The following RCOR1 variants were observed in gnomAD, a reference collection of about 807,000 sequenced individuals.
RCOR1 encodes REST corepressor.
Under a neutral mutation model 64.0 loss-of-function variants are expected in RCOR1, and 12 were observed. That is an observed-to-expected ratio of 0.19 (90% CI 0.12 to 0.30). The LOEUF is 0.30. Ranked by LOEUF, RCOR1 falls within the 10% of genes least tolerant of loss-of-function variation. The pLI is 1.00. For synonymous variants in RCOR1, 279 were observed against 227.2 expected (o/e 1.23, Z -2.05); for missense variants, 502 against 621.2 (o/e 0.81, Z 2.04).
chr14:102,680,052 A>G (rs532324227), intron 2 of RCOR1, among the ~76,000 whole-genome samples: 145 of 152,282 alleles, frequency 9.5e-4, no homozygotes, highest in African/African-American at 3.2e-3. Context: ...CTATTTCTTC[A>G]TCTTCTTAGA....
intron 2 of RCOR1, among the ~76,000 whole-genome samples, chr14:102,634,771 AC>A (rs1176614368): frequency 1.3e-5 from 2 of 151,338 alleles, no homozygotes; most frequent in East Asian, 1.9e-4. Flanking sequence ...ATCTCGACTC[AC>A]GACAACCTCT....
At chr14:102,722,568 G>T (rs774195678) in intron 11 of RCOR1, 152 bp downstream of exon 11, 6 of 629,424 alleles carry the variant, frequency 9.5e-6, no homozygotes, top group Non-Finnish European at 1.4e-5. Flanking sequence ...GAATGTGTAT[G>T]CATTGACTCC....
chr14:102,675,815 A>G (rs963037224), intron 2 of RCOR1, among the ~76,000 whole-genome samples: 1 of 152,202 alleles, frequency 6.6e-6, no homozygotes, highest in African/African-American at 2.4e-5. Context: ...GAAACCTTGG[A>G]TCTATTCATT....
chr14:102,592,653 C>T lies in RCOR1; in HGVS notation c.-234C>T, dbSNP rs1385989774. 7 of 1,200,022 alleles carry T rather than the reference C, an allele frequency of 5.8e-6. No homozygotes were observed. Among genetic ancestry groups the T allele is most frequent in the Non-Finnish European group, 7.2e-6 (7 of 970,040 alleles). 74.3% of individuals were successfully genotyped at this position (1,200,022 alleles called of 1,614,324 possible). A position where few individuals can be genotyped will look rare whatever the true frequency, so the allele number is the denominator to read the frequency against. On this transcript the variant is annotated 5_prime_UTR_variant, in exon 1 of 12. Transcript: ENST00000262241. ...CTCGCTGCTCCCGGAGTAGTTGGTGCCAGTGAAGTGAGGGCGGCGATGAGA... is the reference window on the plus strand; with the variant it reads ...CTCGCTGCTCCCGGAGTAGTTGGTGTCAGTGAAGTGAGGGCGGCGATGAGA...
intron 3 of RCOR1, 61 bp downstream of exon 3, chr14:102,682,039 C>T: frequency 8.8e-7 from 1 of 1,133,800 alleles, no homozygotes; most frequent in East Asian, 2.4e-5. Flanking sequence ...TTAAAGGTAC[C>T]TTTGAAGGTA....
chr14:102,726,383 C>A, intron 11 of RCOR1, 85 bp from the exon 12 acceptor site: 1 of 1,241,248 alleles, frequency 8.1e-7, no homozygotes, highest in Non-Finnish European at 1.1e-6. Flanking sequence ...TGGCTACCTT[C>A]TCTTTTCAGT....
At chr14:102,726,349 T>C (rs1352527875) in intron 11 of RCOR1, 119 bp from the exon 12 acceptor site, 4 of 778,010 alleles carry the variant, frequency 5.1e-6, no homozygotes, top group East Asian at 2.9e-5. Context: ...AAAAAAGAAC[T>C]CGGTGTTTGC....
At chr14:102,649,059 A>C (rs1194076843) in intron 2 of RCOR1, among the ~76,000 whole-genome samples, 1 of 146,084 alleles carries the variant, frequency 6.8e-6, no homozygotes, top group East Asian at 2.1e-4. Flanking sequence ...CAAACAAGCA[A>C]AAAAAACAAA....
intron 2 of RCOR1, among the ~76,000 whole-genome samples, chr14:102,680,534 G>A (rs935406507): frequency 2.0e-5 from 3 of 152,146 alleles, no homozygotes; most frequent in Non-Finnish European, 2.9e-5. Flanking sequence ...TGGGCTGGGC[G>A]TGGTGGCTCA....
intron 3 of RCOR1, among the ~76,000 whole-genome samples, chr14:102,696,869 T>A (rs1319450198): frequency 4.0e-5 from 6 of 150,404 alleles, no homozygotes; most frequent in Non-Finnish European, 7.4e-5. Flanking sequence ...TTTCTTGGGT[T>A]GAAAGCTTTT....
intron 2 of RCOR1, among the ~76,000 whole-genome samples, chr14:102,601,975 A>G (rs1893408349): frequency 6.6e-6 from 1 of 152,032 alleles, no homozygotes; most frequent in South Asian, 2.1e-4. Flanking sequence ...CCTGGCCAAC[A>G]TGGCGAAACC....
intron 2 of RCOR1, among the ~76,000 whole-genome samples, chr14:102,622,193 A>C (rs1358995470): frequency 2.0e-5 from 3 of 152,196 alleles, no homozygotes; most frequent in Non-Finnish European, 4.4e-5. Context: ...ACTCTTAAGA[A>C]TAACCTTTTT....
intron 2 of RCOR1, among the ~76,000 whole-genome samples, chr14:102,675,306 T>G (rs1276407271): frequency 6.6e-5 from 10 of 152,160 alleles, no homozygotes; most frequent in Non-Finnish European, 1.2e-4. Flanking sequence ...CCTGAAACTG[T>G]GGGTAGTACT....
chr14:102,655,553 A>AG, intron 2 of RCOR1: 2 of 926,978 alleles, frequency 2.2e-6, no homozygotes, highest in Non-Finnish European at 2.6e-6. Flanking sequence ...GAAGATTACA[A>AG]GCTCATATTT....
intron 4 of RCOR1, among the ~76,000 whole-genome samples, chr14:102,706,121 A>C (rs1194292137): frequency 1.4e-5 from 2 of 146,646 alleles, no homozygotes; most frequent in African/African-American, 2.5e-5. Context: ...TCTCAAAAAA[A>C]AAAAAAAAAA....
intron 2 of RCOR1, among the ~76,000 whole-genome samples, chr14:102,654,320 A>G (rs1894677500): frequency 6.6e-6 from 1 of 152,076 alleles, no homozygotes; most frequent in East Asian, 1.9e-4. Flanking sequence ...AGAACAGACT[A>G]ATACAATAGC....
chr14:102,599,128 C>A (rs541749093), intron 2 of RCOR1, among the ~76,000 whole-genome samples: 4 of 151,530 alleles, frequency 2.6e-5, no homozygotes. Context: ...GTTTTTCTTT[C>A]CTTTTTTTTC....
chr14:102,637,092 C>T (rs1223441935), intron 2 of RCOR1, among the ~76,000 whole-genome samples: 1 of 151,438 alleles, frequency 6.6e-6, no homozygotes, highest in Non-Finnish European at 1.5e-5. Context: ...GTTAGTTTGG[C>T]TGTGTACAAG....
intron 2 of RCOR1, among the ~76,000 whole-genome samples, chr14:102,638,432 C>T (rs953018980): frequency 3.3e-5 from 5 of 151,966 alleles, no homozygotes; most frequent in Non-Finnish European, 7.4e-5. Flanking sequence ...GGCTAGAGTG[C>T]AGTGGTGTGA....
Sources: gnomAD v4.1 joint callset for allele counts (sites outside exome capture counted in the v4.1 genomes callset) on GRCh38, gnomAD v4.1.1 for gene constraint, MANE v1.5 for transcripts, NCBI Gene and HGNC (gene_info 2026-07-23, HGNC 2026-07-21) for gene names.